DPP6: variants seen among roughly 807,000 people sequenced by gnomAD.
DPP6 encodes dipeptidyl peptidase like 6, also known as A-type potassium channel modulatory protein DPP6.
Under a neutral mutation model 122.6 loss-of-function variants are expected in DPP6, and 69 were observed. The observed-to-expected ratio is 0.56, with a 90% CI of 0.46 to 0.69. DPP6 has a LOEUF of 0.69. Ranked by LOEUF, DPP6 falls within the 30% of genes least tolerant of loss-of-function variation. The probability of loss-of-function intolerance (pLI) is 0.00; values close to 1 mark genes in which losing one functional copy is unlikely to be tolerated. For synonymous variants in DPP6, 418 were observed against 433.1 expected (o/e 0.97, Z 0.43); for missense variants, 928 against 1,116.9 (o/e 0.83, Z 2.41).
intron 5 of DPP6, among the ~76,000 whole-genome samples, chr7:154,597,934 C>T (rs529595765): frequency 3.3e-5 from 5 of 152,202 alleles, no homozygotes; most frequent in South Asian, 2.1e-4. Flanking sequence ...CTGTTTACAC[C>T]GACACCAGTC....
intron 1 of DPP6, among the ~76,000 whole-genome samples, chr7:153,949,161 A>G (rs1253416446): frequency 6.6e-6 from 1 of 152,170 alleles, no homozygotes; most frequent in African/African-American, 2.4e-5. Context: ...CAGTGGAGTG[A>G]GTGTTGCCTG....
chr7:154,852,511 C>G (rs1802491419), intron 16 of DPP6, among the ~76,000 whole-genome samples: 1 of 151,916 alleles, frequency 6.6e-6, no homozygotes, highest in Non-Finnish European at 1.5e-5. Context: ...CCTCTCCTCC[C>G]TCTCCTCCCT....
At chr7:153,936,103 C>T (rs539697120) in intron 1 of DPP6, among the ~76,000 whole-genome samples, 52 of 152,274 alleles carry the variant, frequency 3.4e-4, no homozygotes, top group African/African-American at 1.2e-3. Flanking sequence ...CTGTCTGTAC[C>T]GGCATCTGCG....
intron 1 of DPP6, among the ~76,000 whole-genome samples, chr7:153,891,936 T>C (rs1211010860): frequency 6.6e-6 from 1 of 152,168 alleles, no homozygotes; most frequent in Admixed American, 6.5e-5. Context: ...TCCTTGAGAA[T>C]CCCACTGTTG....
At chr7:154,579,514 A>G (rs1586671163) in intron 5 of DPP6, among the ~76,000 whole-genome samples, 2 of 152,254 alleles carry the variant, frequency 1.3e-5, no homozygotes, top group Admixed American at 6.5e-5. Flanking sequence ...TTTAAGTTAC[A>G]AAATATTACA....
chr7:154,391,827 C>T (rs1814647582), intron 1 of DPP6, among the ~76,000 whole-genome samples: 2 of 152,126 alleles, frequency 1.3e-5, no homozygotes, highest in South Asian at 4.1e-4. Context: ...CCCTCTAGCA[C>T]AAGGTTGCTT....
chr7:154,731,917 G>C (rs1842357166), intron 8 of DPP6, among the ~76,000 whole-genome samples: 1 of 152,176 alleles, frequency 6.6e-6, no homozygotes, highest in Non-Finnish European at 1.5e-5. Context: ...TAGTATGTAG[G>C]CATATGGGCA....
intron 1 of DPP6, among the ~76,000 whole-genome samples, chr7:154,342,505 G>T (rs1404893099): frequency 6.6e-6 from 1 of 152,196 alleles, no homozygotes; most frequent in Non-Finnish European, 1.5e-5. Flanking sequence ...CTGAGTTGGG[G>T]GTGAAGTGGG....
At chr7:154,827,546 C>T (rs749079148) in intron 16 of DPP6, among the ~76,000 whole-genome samples, 17 of 151,898 alleles carry the variant, frequency 1.1e-4, no homozygotes, top group East Asian at 5.8e-4. Flanking sequence ...GGCAGCCTGT[C>T]GTGGGAAATC....
At chr7:154,849,319 T>A (rs1188829820) in intron 16 of DPP6, among the ~76,000 whole-genome samples, 1 of 152,250 alleles carries the variant, frequency 6.6e-6, no homozygotes, top group Non-Finnish European at 1.5e-5. Flanking sequence ...ACAAGGGATA[T>A]CTTTCCATTT....
intron 2 of DPP6, among the ~76,000 whole-genome samples, chr7:154,469,404 AAG>A (rs1242930026): frequency 1.3e-5 from 2 of 152,148 alleles, no homozygotes; most frequent in African/African-American, 2.4e-5. Context: ...CACTTTTGTA[AAG>A]AGAGAGAGTG....
intron 1 of DPP6, among the ~76,000 whole-genome samples, chr7:154,357,960 A>G (rs987310023): frequency 4.0e-5 from 6 of 148,730 alleles, no homozygotes; most frequent in African/African-American, 1.5e-4. Context: ...AAAAAAAAAA[A>G]GAAAAGAAAA....
chr7:154,645,739 C>T (rs952281550), intron 6 of DPP6, among the ~76,000 whole-genome samples: 2 of 151,946 alleles, frequency 1.3e-5, no homozygotes, highest in African/African-American at 2.4e-5. Flanking sequence ...ATAGAAAATA[C>T]TGAGGGTTGC....
intron 1 of DPP6, among the ~76,000 whole-genome samples, chr7:154,140,792 C>T (rs1049073468): frequency 2.0e-5 from 3 of 152,132 alleles, no homozygotes; most frequent in East Asian, 1.9e-4. Flanking sequence ...CAATGCTTGG[C>T]GAATTGCCTC....
intron 1 of DPP6, among the ~76,000 whole-genome samples, chr7:153,928,064 A>G (rs1800985056): frequency 6.6e-6 from 1 of 152,026 alleles, no homozygotes; most frequent in African/African-American, 2.4e-5. Flanking sequence ...GTATAACATT[A>G]ACAATAACAA....
chr7:154,358,800 G>C (rs1301530587), intron 1 of DPP6, among the ~76,000 whole-genome samples: 1 of 152,152 alleles, frequency 6.6e-6, no homozygotes, highest in Non-Finnish European at 1.5e-5. Context: ...CTGCCTCCCA[G>C]GTTCAAGCAA....
At chr7:154,590,206 G>T (rs576645447) in intron 5 of DPP6, among the ~76,000 whole-genome samples, 1 of 152,290 alleles carries the variant, frequency 6.6e-6, no homozygotes, top group East Asian at 1.9e-4. Context: ...ATGGTCACTT[G>T]TTTGGCAGAA....
intron 1 of DPP6, among the ~76,000 whole-genome samples, chr7:154,326,946 G>A (rs1347524805): frequency 6.6e-6 from 1 of 152,178 alleles, no homozygotes; most frequent in South Asian, 2.1e-4. Context: ...TCACTGGGTC[G>A]CTAGAGGGTG....
chr7:154,469,632 C>G (rs994599306), intron 2 of DPP6, among the ~76,000 whole-genome samples: 1 of 152,150 alleles, frequency 6.6e-6, no homozygotes, highest in African/African-American at 2.4e-5. Flanking sequence ...TTTCTAATCT[C>G]TTGATGGTAC....
Sources: allele counts gnomAD v4.1 joint callset (sites outside exome capture counted in the v4.1 genomes callset), GRCh38; gene constraint gnomAD v4.1.1; transcripts MANE v1.5; gene names NCBI Gene and HGNC (gene_info 2026-07-23, HGNC 2026-07-21).